The following SYTL4 variants were observed in gnomAD, a reference collection of about 807,000 sequenced individuals.
SYTL4 encodes synaptotagmin like 4, also known as synaptotagmin-like protein 4.
In SYTL4, 16 loss-of-function variants were observed where a neutral mutation model predicts 52.7. That is an observed-to-expected ratio of 0.30 (90% CI 0.21 to 0.46). The LOEUF (loss-of-function observed/expected upper bound fraction) is 0.46, where lower values mean the gene tolerates loss of function less well. SYTL4 is among the 20% of genes least tolerant of loss of function. The pLI, the probability that SYTL4 is intolerant of heterozygous loss-of-function variation, is 1.00. For missense variants in SYTL4, 423 were observed against 519.9 expected (o/e 0.81, Z 1.81); for synonymous variants, 160 against 186.6 (o/e 0.86, Z 1.16).
In SYTL4 at chrX:100,683,473, C is replaced by T. The variant is rs150296077; in HGVS notation, c.1450-2138G>A. Among the ~76,000 whole-genome samples, 675 of 111,025 alleles carry T rather than the reference C, an allele frequency of 6.1e-3. 5 individuals carry two copies. Among genetic ancestry groups the T allele is most frequent in the African/African-American group, 0.02 (623 of 30,437 alleles). On this transcript the variant is annotated intron_variant, in intron 16 of 19. Coordinates refer to ENST00000372989, the MANE Select transcript of SYTL4 (RefSeq NM_001370165.1). ...TAATTGGGGTTCCTCTAACTTAGGTCCTTACCAATGCTAGGAAGGCATAAT... is the reference window on the plus strand; with the variant it reads ...TAATTGGGGTTCCTCTAACTTAGGTTCTTACCAATGCTAGGAAGGCATAAT...
At chrX:100,724,049 C>T (rs541893133) in intron 2 of SYTL4, among the ~76,000 whole-genome samples, 2 of 98,926 alleles carry the variant, frequency 2.0e-5, no homozygotes, top group African/African-American at 7.8e-5. Flanking sequence ...CCAGCCGCCC[C>T]GTCCGGGAGG....
At chrX:100,722,355 G>A (rs1219692115) in intron 2 of SYTL4, among the ~76,000 whole-genome samples, 1 of 111,270 alleles carries the variant, frequency 9.0e-6, no homozygotes, top group Non-Finnish European at 1.9e-5. Context: ...CTGCTCTCCT[G>A]TTCTCCACAA....
intron 3 of SYTL4, among the ~76,000 whole-genome samples, chrX:100,704,470 T>C (rs1293164096): frequency 8.9e-6 from 1 of 112,252 alleles, no homozygotes; most frequent in Non-Finnish European, 1.9e-5. Flanking sequence ...ATTGACAGAA[T>C]AGGGAGACTG....
chrX:100,688,277 T>A (rs1423750812), intron 13 of SYTL4, 74 bp downstream of exon 13: 1 of 874,729 alleles, frequency 1.1e-6, no homozygotes, highest in South Asian at 2.2e-5. Context: ...AGGTCCCGAA[T>A]CTGCTCTAGG....
At chrX:100,716,821 T>C (rs985154960) in intron 2 of SYTL4, among the ~76,000 whole-genome samples, 2 of 111,541 alleles carry the variant, frequency 1.8e-5, no homozygotes, top group South Asian at 3.8e-4. Context: ...CTTATTAAAA[T>C]GTAACTGTCT....
At chrX:100,723,676 G>A (rs1418305584) in intron 2 of SYTL4, among the ~76,000 whole-genome samples, 2 of 109,462 alleles carry the variant, frequency 1.8e-5, no homozygotes, top group Admixed American at 1.9e-4. Flanking sequence ...CTGAGATGTG[G>A]GGAGCGCCTC....
intron 2 of SYTL4, among the ~76,000 whole-genome samples, chrX:100,714,284 T>TAC (rs2084144916): frequency 9.4e-6 from 1 of 106,254 alleles, no homozygotes; most frequent in East Asian, 3.0e-4. Flanking sequence ...TTTTTTGAGA[T>TAC]GGAGTCTTGC....
chrX:100,720,565 T>C (rs149436613), intron 2 of SYTL4, among the ~76,000 whole-genome samples: 2,388 of 112,225 alleles, frequency 0.021, 69 homozygotes, highest in African/African-American at 0.074. Flanking sequence ...TGGCATCTGA[T>C]TATTTCTTGC....
rs17849209 is a variant in SYTL4, at chrX:100,690,766, C to G, written c.642-128G>C. The G allele has an allele frequency of 5.9e-4, 287 of 486,110 alleles. 2 individuals carry two copies. The East Asian group carries it at 0.011, about 18-fold the overall frequency. The allele number at this position is 486,110 out of a possible 1,213,427, so 40.1% of individuals were successfully genotyped here. ...GTAATAACCAAATTCAGAAGGTACA[C>G]TTCGCATGTGATTTACCTGGAAGGA... is the stretch of plus-strand genomic sequence containing the variant. On this transcript the variant is annotated intron_variant, in intron 9 of 19. Coordinates refer to ENST00000372989, the MANE Select transcript of SYTL4 (RefSeq NM_001370165.1).
At chrX:100,715,209 G>A (rs986426261) in intron 2 of SYTL4, among the ~76,000 whole-genome samples, 2 of 110,990 alleles carry the variant, frequency 1.8e-5, no homozygotes, top group Non-Finnish European at 3.8e-5. Flanking sequence ...TTTTTGTAGA[G>A]ATGGGGTTTC....
At chrX:100,725,351 G>T (rs2084496276) in intron 2 of SYTL4, among the ~76,000 whole-genome samples, 1 of 112,015 alleles carries the variant, frequency 8.9e-6, no homozygotes, top group African/African-American at 3.2e-5. Flanking sequence ...AGCGTGAATA[G>T]ATAATTCTTA....
At position 100,690,638 on chromosome X, in the gene SYTL4, C is replaced by A. The variant is rs745825779; in HGVS notation, c.642G>T (p.Arg214Ser). The stretch of plus-strand genomic sequence containing the variant: ...GGCCAGATTTATCCAGAGAGTCTCT[C>A]CTGGAGGTAGATTCAGAAATTATAA... ...SFTADSDSTSRRDSLDKSGLF... is the reference protein window; with the variant it reads ...SFTADSDSTSSRDSLDKSGLF... Residue 214 changes from arginine to serine, a missense_variant and splice_region_variant, in exon 10 of 20, where the codon AGG becomes AGT. By Grantham distance (110) the Arg-to-Ser change is moderately radical. Coordinates refer to ENST00000372989, the MANE Select transcript of SYTL4 (RefSeq NM_001370165.1). The A allele has an allele frequency of 8.4e-6, 10 of 1,186,019 alleles. No homozygotes were observed. In the Admixed American group the frequency reaches 2.2e-4, roughly 26 times the overall value.
chrX:100,728,810 G>A (rs1384839071), intron 2 of SYTL4, among the ~76,000 whole-genome samples: 3 of 111,500 alleles, frequency 2.7e-5, no homozygotes, highest in Non-Finnish European at 5.6e-5. Context: ...GGCCGAGGAG[G>A]GCAGATCACG....
intron 2 of SYTL4, among the ~76,000 whole-genome samples, chrX:100,715,131 C>A (rs1431703930): frequency 6.3e-5 from 7 of 111,623 alleles, no homozygotes; most frequent in African/African-American, 2.3e-4. Flanking sequence ...AGCAATTCTC[C>A]CACCTCAGCC....
intron 12 of SYTL4, 137 bp downstream of exon 12, chrX:100,689,719 G>T: frequency 5.6e-5 from 12 of 212,668 alleles, no homozygotes; most frequent in Admixed American, 7.2e-5. Context: ...ATTTACTTTA[G>T]AAACTTGGGG....
chrX:100,698,464 CCTTTCT>C (rs1053334858), intron 8 of SYTL4, among the ~76,000 whole-genome samples: 4 of 111,591 alleles, frequency 3.6e-5, no homozygotes, highest in Non-Finnish European at 5.6e-5. Flanking sequence ...AATCTCTCTC[CCTTTCT>C]CTTTCTCTTT....
chrX:100,687,241 G>A lies in SYTL4; in HGVS notation c.1010C>T (p.Thr337Met), dbSNP rs769639083. Reference sequence around the variant, plus strand: ...GTAGATGCTCATCATGCTGCCGATCGTACTCTGAAGATAAAGCACCCACGA... The same window carrying A: ...GTAGATGCTCATCATGCTGCCGATCATACTCTGAAGATAAAGCACCCACGA... ...SSMQSGSSMS[T>M]IGSMMSIYSE... The change falls in exon 14 of 20, where the codon ACG (threonine) becomes ATG (methionine). Residue 337 changes from threonine to methionine, a missense_variant. Physicochemically the swap from Thr to Met is moderately conservative, Grantham distance 81 (BLOSUM62 -1). Coordinates refer to ENST00000372989, the MANE Select transcript of SYTL4 (RefSeq NM_001370165.1). 33 of 1,207,199 alleles carry A rather than the reference G, an allele frequency of 2.7e-5. No individual in the cohort carries two copies. The highest frequency in any genetic ancestry group is 3.4e-5 in the Non-Finnish European group (30 of 893,560).
At chrX:100,714,505 C>T (rs983863713) in intron 2 of SYTL4, among the ~76,000 whole-genome samples, 9 of 111,484 alleles carry the variant, frequency 8.1e-5, no homozygotes, top group Non-Finnish European at 1.3e-4. Flanking sequence ...GTGATCTGCC[C>T]ACCTCAGCCT....
intron 2 of SYTL4, among the ~76,000 whole-genome samples, chrX:100,724,738 G>C (rs1327999506): frequency 1.9e-5 from 2 of 107,392 alleles, no homozygotes; most frequent in Non-Finnish European, 3.9e-5. Context: ...CACTGCGGAA[G>C]GCCGCAGGGT....
Sources: gnomAD v4.1 joint callset for allele counts (sites outside exome capture counted in the v4.1 genomes callset) on GRCh38, gnomAD v4.1.1 for gene constraint, MANE v1.5 for transcripts, NCBI Gene and HGNC (gene_info 2026-07-23, HGNC 2026-07-21) for gene names.